The following B4GALT6 variants were observed in gnomAD, a reference collection of about 807,000 sequenced individuals.
B4GALT6 encodes the protein UDP-Gal:beta-GlcNAc beta-1,4-galactosyltransferase 6.
In B4GALT6, 14 loss-of-function variants were observed where a neutral mutation model predicts 46.3. That is an observed-to-expected ratio of 0.30 (90% CI 0.20 to 0.47). B4GALT6 has a LOEUF of 0.47. Among genes scored for constraint, B4GALT6 ranks in the 20% least tolerant of loss-of-function variants. The pLI is 0.99. For synonymous variants in B4GALT6, 168 were observed against 162.0 expected (o/e 1.04, Z -0.28); for missense variants, 386 against 480.1 (o/e 0.80, Z 1.83).
chr18:31,645,862 A>G (rs1250500797), intron 3 of B4GALT6, among the ~76,000 whole-genome samples: 1 of 152,216 alleles, frequency 6.6e-6, no homozygotes, highest in Admixed American at 6.5e-5. Context: ...AACACAGGGG[A>G]CACAATGGCA....
At chr18:31,629,169 G>T (rs1014601750) in intron 6 of B4GALT6, among the ~76,000 whole-genome samples, 1 of 152,080 alleles carries the variant, frequency 6.6e-6, no homozygotes, top group Non-Finnish European at 1.5e-5. Context: ...TACAAAATAT[G>T]TGTTACTCAA....
chr18:31,705,439 A>C, the B4GALT6 span, among the ~76,000 whole-genome samples: 9 of 152,104 alleles, frequency 5.9e-5, no homozygotes, highest in African/African-American at 9.7e-5. Flanking sequence ...CCCAGGCTGG[A>C]GTGCAATGGT....
At chr18:31,681,513 G>A (rs2074479443) in intron 1 of B4GALT6, among the ~76,000 whole-genome samples, 1 of 152,108 alleles carries the variant, frequency 6.6e-6, no homozygotes, top group Non-Finnish European at 1.5e-5. Context: ...CAAGAAAAAT[G>A]GTTCCTTGAA....
chr18:31,643,649 T>C (rs1198698965), intron 4 of B4GALT6, among the ~76,000 whole-genome samples: 1 of 152,210 alleles, frequency 6.6e-6, no homozygotes, highest in Non-Finnish European at 1.5e-5. Flanking sequence ...CTGAATCATA[T>C]GTAGTTTACA....
chr18:31,629,405 C>T (rs935217448), intron 6 of B4GALT6, among the ~76,000 whole-genome samples: 9 of 106,712 alleles, frequency 8.4e-5, no homozygotes, highest in African/African-American at 3.1e-4. Flanking sequence ...TAGAATTTAA[C>T]AATAAATTAA....
At chr18:31,663,651 C>T (rs1449378493) in intron 2 of B4GALT6, among the ~76,000 whole-genome samples, 2 of 152,134 alleles carry the variant, frequency 1.3e-5, no homozygotes. Context: ...TTAATCAATT[C>T]CCCTCTAGAG....
chr18:31,680,478 A>G (rs2074467710), intron 1 of B4GALT6, among the ~76,000 whole-genome samples: 1 of 152,144 alleles, frequency 6.6e-6, no homozygotes, highest in Admixed American at 6.5e-5. Flanking sequence ...GGAGGCCCAA[A>G]TAACAAAGCA....
intron 8 of B4GALT6, 81 bp downstream of exon 8, chr18:31,626,202 G>T: frequency 5.5e-6 from 4 of 732,484 alleles, no homozygotes; most frequent in South Asian, 2.8e-5. Flanking sequence ...AGCTTTTTTG[G>T]GGTTCAATGC....
At chr18:31,694,694 T>C in the B4GALT6 span, among the ~76,000 whole-genome samples, 93 of 152,346 alleles carry the variant, frequency 6.1e-4, no homozygotes, top group African/African-American at 2.2e-3. Context: ...ATATAAGTTG[T>C]CTTAAAATAA....
intron 7 of B4GALT6, 62 bp from the exon 8 acceptor site, chr18:31,626,446 A>G: frequency 1.1e-6 from 1 of 947,534 alleles, no homozygotes; most frequent in Non-Finnish European, 1.6e-6. Flanking sequence ...GGGTTATGTG[A>G]GTTCAATTTT....
chr18:31,710,851 A>C, the B4GALT6 span, among the ~76,000 whole-genome samples: 6 of 24,328 alleles, frequency 2.5e-4, no homozygotes, highest in South Asian at 8.8e-3. Flanking sequence ...CACACACACT[A>C]TAATCCTCAA....
intron 1 of B4GALT6, among the ~76,000 whole-genome samples, chr18:31,680,224 C>A (rs530246726): frequency 7.2e-4 from 109 of 152,256 alleles, no homozygotes; most frequent in African/African-American, 2.4e-3. Context: ...TTAACAGCTC[C>A]AAAGAACACA....
upstream of B4GALT6, among the ~76,000 whole-genome samples, chr18:31,688,269 A>ATACG (rs2029998937): frequency 6.7e-6 from 1 of 150,268 alleles, no homozygotes; most frequent in African/African-American, 2.4e-5. Flanking sequence ...ACATATATAT[A>ATACG]TATACACACA....
the B4GALT6 span, among the ~76,000 whole-genome samples, chr18:31,694,998 G>A: frequency 1.3e-5 from 2 of 152,044 alleles, no homozygotes; most frequent in African/African-American, 4.8e-5. Context: ...TCTATAAAAT[G>A]ACATTAAAAT....
At chr18:31,654,983 G>A (rs1414347990) in intron 3 of B4GALT6, among the ~76,000 whole-genome samples, 1 of 152,104 alleles carries the variant, frequency 6.6e-6, no homozygotes, top group East Asian at 1.9e-4. Context: ...TGTAAAGTCT[G>A]GCTCTATTAT....
chr18:31,693,223 C>T, the B4GALT6 span, among the ~76,000 whole-genome samples: 4 of 152,084 alleles, frequency 2.6e-5, no homozygotes, highest in East Asian at 1.9e-4. Context: ...GCAGAGAACA[C>T]GAGAACACAA....
At chr18:31,633,933 T>G (rs1468631149) in intron 5 of B4GALT6, among the ~76,000 whole-genome samples, 2 of 152,220 alleles carry the variant, frequency 1.3e-5, no homozygotes, top group East Asian at 3.8e-4. Context: ...TCTGGTTTGT[T>G]CACTGCCACA....
the B4GALT6 span, among the ~76,000 whole-genome samples, chr18:31,694,237 TTAATC>T: frequency 1.3e-5 from 2 of 152,190 alleles, no homozygotes; most frequent in Admixed American, 6.5e-5. Context: ...AGAAAGAAGA[TTAATC>T]TATCTATAAA....
rs569553052 is a variant in B4GALT6, at chr18:31,645,051, A to G, written c.471+304T>C. Among the ~76,000 whole-genome samples, 71 of 152,318 alleles carry G rather than the reference A, an allele frequency of 4.7e-4. No homozygotes were observed. The South Asian group carries it at 0.011, about 23-fold the overall frequency. ...GCAGGGAACTCACAGCCTCTCTTCC[A>G]AACAGAACAGAACAACAAAAAAATC... is the stretch of plus-strand genomic sequence containing the variant. On this transcript the variant is annotated intron_variant, in intron 4 of 8. Transcript: ENST00000306851.
Sources: gnomAD v4.1 joint callset for allele counts (sites outside exome capture counted in the v4.1 genomes callset) on GRCh38, gnomAD v4.1.1 for gene constraint, MANE v1.5 for transcripts, NCBI Gene and HGNC (gene_info 2026-07-23, HGNC 2026-07-21) for gene names.